SEC22A: variants seen among roughly 807,000 people sequenced by gnomAD.
SEC22A encodes the protein vesicle-trafficking protein SEC22a.
In SEC22A, 22 loss-of-function variants were observed where a neutral mutation model predicts 35.3. The ratio of observed to expected loss-of-function variants is 0.62; its 90% CI spans 0.45 to 0.89. The LOEUF is 0.89. SEC22A is among the 40% of genes least tolerant of loss of function. SEC22A has a pLI of 0.00. For missense variants in SEC22A, 354 were observed against 362.5 expected (o/e 0.98, Z 0.19); for synonymous variants, 119 against 129.5 (o/e 0.92, Z 0.55).
At chr3:123,236,455 G>A (rs1937420075) in intron 4 of SEC22A, among the ~76,000 whole-genome samples, 1 of 152,180 alleles carries the variant, frequency 6.6e-6, no homozygotes, top group Non-Finnish European at 1.5e-5. Flanking sequence ...GGAGGATGGA[G>A]GCCCAGAGAG....
At position 123,265,147 on chromosome 3, in the gene SEC22A, A is replaced by G. The variant is rs548572867; in HGVS notation, c.723+5558A>G. 2.0e-4 allele frequency among the ~76,000 whole-genome samples: 31 copies of G among 152,340 alleles called. No homozygotes were observed. The East Asian group carries it at 4.8e-3, about 24-fold the overall frequency. On this transcript the variant is annotated intron_variant, in intron 6 of 6. Coordinates refer to ENST00000492595, the MANE Select transcript of SEC22A (RefSeq NM_012430.5). ...TTCATTCCGTAAAGAATATAGTATA[A>G]CAGCATTAACATTGTGTTAGGTATT... is the stretch of plus-strand genomic sequence containing the variant.
At chr3:123,236,810 C>T (rs1181896798) in intron 4 of SEC22A, among the ~76,000 whole-genome samples, 2 of 146,622 alleles carry the variant, frequency 1.4e-5, no homozygotes, top group African/African-American at 4.9e-5. Context: ...CCATAAGAAA[C>T]ACGCACACAC....
intron 4 of SEC22A, among the ~76,000 whole-genome samples, chr3:123,230,799 C>T (rs566844995): frequency 2.2e-4 from 32 of 148,346 alleles, no homozygotes; most frequent in African/African-American, 7.7e-4. Flanking sequence ...AAATCTATAT[C>T]AGTAATAATG....
Position 123,268,436 on chromosome 3 carries a change from G to A in SEC22A, c.724-3086G>A, listed in dbSNP as rs180998732. Among the ~76,000 whole-genome samples, 100 of 152,138 alleles carry A rather than the reference G, an allele frequency of 6.6e-4. 1 individual carries two copies. The highest frequency in any genetic ancestry group is 6.8e-3 in the Middle Eastern group (2 of 294). On this transcript the variant is annotated intron_variant, in intron 6 of 6. Transcript: ENST00000492595. The stretch of plus-strand genomic sequence containing the variant: ...TCTTGGATCTCAAGATTCTTTATTT[G>A]TCTGCTTTTCCTCCACAGTTCAGAG...
chr3:123,263,908 T>G (rs2108104759), intron 6 of SEC22A, among the ~76,000 whole-genome samples: 1 of 151,904 alleles, frequency 6.6e-6, no homozygotes, highest in Non-Finnish European at 1.5e-5. Flanking sequence ...TTCAATGTAC[T>G]ATTAAATGAT....
chr3:123,244,428 A>G (rs1937550433), intron 4 of SEC22A, among the ~76,000 whole-genome samples: 1 of 152,212 alleles, frequency 6.6e-6, no homozygotes, highest in Admixed American at 6.5e-5. Context: ...AAATGTATAG[A>G]CGAATTAGAT....
chr3:123,252,226 A>G (rs773405737), intron 5 of SEC22A, among the ~76,000 whole-genome samples: 1 of 152,168 alleles, frequency 6.6e-6, no homozygotes, highest in South Asian at 2.1e-4. Context: ...ACATACTCTT[A>G]GCCCTCTTTC....
rs1012733342 is a variant in SEC22A, at chr3:123,272,502, T to G, written c.*780T>G. On this transcript the variant is annotated 3_prime_UTR_variant, in exon 7 of 7. Transcript: ENST00000492595. ...TATTTATCTTTTAAATTTTAAAGTT[T>G]TTTTAAAAAAATGAATCCTGCTCCA... 3 of 152,238 alleles carry G rather than the reference T, an allele frequency of 2.0e-5. No homozygotes were observed. Among genetic ancestry groups the G allele is most frequent in the African/African-American group, 7.2e-5 (3 of 41,466 alleles). 9.4% of individuals were successfully genotyped at this position (152,238 alleles called of 1,614,324 possible).
At chr3:123,237,171 G>C (rs776455976) in intron 4 of SEC22A, among the ~76,000 whole-genome samples, 2 of 152,178 alleles carry the variant, frequency 1.3e-5, no homozygotes, top group African/African-American at 4.8e-5. Flanking sequence ...TTTAGTCTGT[G>C]GGTCATAGTT....
At chr3:123,265,465 C>G (rs1326003383) in intron 6 of SEC22A, among the ~76,000 whole-genome samples, 1 of 150,288 alleles carries the variant, frequency 6.7e-6, no homozygotes, top group African/African-American at 2.4e-5. Context: ...TTTTCCCAGT[C>G]AGTTTTTTTT....
At chr3:123,242,284 A>G (rs1937530956) in intron 4 of SEC22A, among the ~76,000 whole-genome samples, 2 of 152,176 alleles carry the variant, frequency 1.3e-5, no homozygotes, top group South Asian at 4.1e-4. Flanking sequence ...ACGGCCCACC[A>G]TCACCTCAAA....
chr3:123,264,148 A>G (rs1273199859), intron 6 of SEC22A, among the ~76,000 whole-genome samples: 2 of 152,020 alleles, frequency 1.3e-5, no homozygotes, highest in Admixed American at 6.6e-5. Flanking sequence ...GCCTTAAGCA[A>G]TCCTCCCACC....
chr3:123,208,181 C>T (rs943205466), intron 1 of SEC22A: 1 of 152,120 alleles, frequency 6.6e-6, no homozygotes, highest in Non-Finnish European at 1.5e-5. Context: ...AAGCATTTTA[C>T]CACATTATTA....
intron 4 of SEC22A, among the ~76,000 whole-genome samples, chr3:123,242,539 C>G (rs965582021): frequency 1.3e-5 from 2 of 149,572 alleles, no homozygotes; most frequent in Non-Finnish European, 3.0e-5. Context: ...CTTTAATGAA[C>G]TCCCAAGCAC....
chr3:123,223,909 G>A (rs1250174720), intron 3 of SEC22A, among the ~76,000 whole-genome samples, 187 bp downstream of exon 3: 1 of 152,156 alleles, frequency 6.6e-6, no homozygotes, highest in African/African-American at 2.4e-5. Context: ...TGTTTGAGCT[G>A]TGAAGGGGAT....
intron 6 of SEC22A, among the ~76,000 whole-genome samples, chr3:123,264,049 G>T (rs929787168): frequency 6.6e-6 from 1 of 151,766 alleles, no homozygotes; most frequent in African/African-American, 2.4e-5. Flanking sequence ...CTATAGATGT[G>T]TGCTGCCACA....
intron 4 of SEC22A, among the ~76,000 whole-genome samples, chr3:123,233,003 A>G (rs1937348051): frequency 6.6e-6 from 1 of 152,038 alleles, no homozygotes; most frequent in African/African-American, 2.4e-5. Context: ...GATGGTATGC[A>G]TGTGTAGTCC....
At chr3:123,227,766 A>T (rs940043677) in intron 4 of SEC22A, among the ~76,000 whole-genome samples, 1 of 152,118 alleles carries the variant, frequency 6.6e-6, no homozygotes, top group Non-Finnish European at 1.5e-5. Context: ...CCTGGCCAAG[A>T]TGGTGAAACC....
At chr3:123,229,875 A>AAATAAT (rs146856118) in intron 4 of SEC22A, among the ~76,000 whole-genome samples, 30,769 of 150,844 alleles carry the variant, frequency 0.2, 3,247 homozygotes, top group Middle Eastern at 0.26. Flanking sequence ...AAAAAAAAAT[A>AAATAAT]AATAATAATA....
Sources: allele counts gnomAD v4.1 joint callset (sites outside exome capture counted in the v4.1 genomes callset), GRCh38; gene constraint gnomAD v4.1.1; transcripts MANE v1.5; gene names NCBI Gene and HGNC (gene_info 2026-07-23, HGNC 2026-07-21).